The following CASQ1 variants were observed in gnomAD, a reference collection of about 807,000 sequenced individuals.
CASQ1 encodes calsequestrin-1.
CASQ1 carries 40 observed loss-of-function variants against 49.5 expected under a neutral mutation model. That is an observed-to-expected ratio of 0.81 (90% CI 0.63 to 1.05). The LOEUF (loss-of-function observed/expected upper bound fraction) is 1.05, where lower values mean the gene tolerates loss of function less well. CASQ1 is among the 50% of genes least tolerant of loss of function. CASQ1 has a pLI of 0.00. For missense variants in CASQ1, 469 were observed against 486.9 expected (o/e 0.96, Z 0.35); for synonymous variants, 174 against 187.2 (o/e 0.93, Z 0.58).
rs1654053470 is a variant in CASQ1, at chr1:160,190,758, G to A, written c.7G>A (p.Ala3Thr). 1 of 1,613,816 alleles carries A rather than the reference G, an allele frequency of 6.2e-7. No individual in the cohort carries two copies. Among genetic ancestry groups the A allele is most frequent in the African/African-American group, 1.3e-5 (1 of 75,028 alleles). The change falls in exon 1 of 11, where the codon GCT (alanine) becomes ACT (threonine). Residue 3 changes from alanine (A) to threonine (T), a missense_variant. Coordinates refer to ENST00000368078, the MANE Select transcript of CASQ1 (RefSeq NM_001231.5). ...CCCAGATCCCACTACCTCCATGAGTGCTACAGACAGGATGGGGCCCAGAGC... is the reference window on the plus strand; with the variant it reads ...CCCAGATCCCACTACCTCCATGAGTACTACAGACAGGATGGGGCCCAGAGC... MS[A>T]TDRMGPRAVP...
rs754288969 is a variant in CASQ1, at chr1:160,201,358, CGAT to C, written c.1185_1187del (p.Asp396del). The C allele has an allele frequency of 8.1e-6, 13 of 1,613,826 alleles. No individual in the cohort carries two copies. In the South Asian group the frequency reaches 1.2e-4, roughly 15 times the overall value. The stretch of plus-strand genomic sequence containing the variant: ...GCGAGATCAACACAGAGGACGATGA[CGAT>C]GATGATGATGACTAGTTGCTATGGC... On this transcript the variant is annotated inframe_deletion, in exon 11 of 11. Coordinates refer to ENST00000368078, the MANE Select transcript of CASQ1 (RefSeq NM_001231.5).
rs745765837 is a variant in CASQ1, at chr1:160,195,453, C to A, written c.578-8C>A. ...CCCCAGAGACTGACTCTGCATTCCA[C>A]CCCCCAGATTACAAAGCCTTCGAGG... On this transcript the variant is annotated splice_region_variant and splice_polypyrimidine_tract_variant and intron_variant, in intron 4 of 10. Coordinates refer to ENST00000368078, the MANE Select transcript of CASQ1 (RefSeq NM_001231.5). 4 of 1,612,232 alleles carry A rather than the reference C, an allele frequency of 2.5e-6. No homozygotes were observed. The South Asian group carries it at 3.3e-5, about 13-fold the overall frequency.
Position 160,194,994 on chromosome 1 carries a change from A to G in CASQ1, c.466-18A>G, listed in dbSNP as rs371650602. On this transcript the variant is annotated intron_variant, in intron 3 of 10. Transcript: ENST00000368078. Reference sequence around the variant, plus strand: ...TTGAGGATAGAAACTCTCTTCCTGCAATGTCCTCCTCTTTCAGGTCCTAGA... The same window carrying G: ...TTGAGGATAGAAACTCTCTTCCTGCGATGTCCTCCTCTTTCAGGTCCTAGA... 6.8e-5 allele frequency: 101 copies of G among 1,485,716 alleles called. No homozygotes were observed. The highest frequency in any genetic ancestry group is 9.2e-5 in the Non-Finnish European group (99 of 1,080,484). 92.0% of individuals were successfully genotyped at this position (1,485,716 alleles called of 1,614,324 possible). A position where few individuals can be genotyped will look rare whatever the true frequency, so the allele number is the denominator to read the frequency against.
intron 3 of CASQ1, among the ~76,000 whole-genome samples, chr1:160,194,771 T>A (rs1654178355): frequency 6.9e-6 from 1 of 144,818 alleles, no homozygotes; most frequent in South Asian, 2.2e-4. Flanking sequence ...ACACATCATA[T>A]ACATACCACA....
chr1:160,192,841 G>T lies in CASQ1; in HGVS notation c.319G>T (p.Gly107Trp). 1 of 1,613,984 alleles carries T rather than the reference G, an allele frequency of 6.2e-7. No individual in the cohort carries two copies. Among genetic ancestry groups the T allele is most frequent in the Non-Finnish European group, 8.5e-7 (1 of 1,179,952 alleles). Reference protein sequence around the residue: ...QVLEDKGVGFGLVDSEKDAAV... With the variant: ...QVLEDKGVGFWLVDSEKDAAV... ...CCTAGAAGACAAGGGTGTTGGCTTC[G>T]GGCTGGTAGACTCTGAGAAGGATGC... Residue 107 changes from glycine to tryptophan, a missense_variant, in exon 2 of 11, where the codon GGG becomes TGG. Physicochemically the swap from Gly to Trp is radical, Grantham distance 184. Coordinates refer to ENST00000368078, the MANE Select transcript of CASQ1 (RefSeq NM_001231.5).
At chr1:160,201,170 G>A in intron 10 of CASQ1, 75 bp from the exon 11 acceptor site, 1 of 1,462,380 alleles carries the variant, frequency 6.8e-7, no homozygotes, top group Non-Finnish European at 9.4e-7. Context: ...GATGTACAGA[G>A]TCCAGTGAGT....
intron 9 of CASQ1, 108 bp downstream of exon 9, chr1:160,199,161 G>GGAT: frequency 1.3e-6 from 1 of 778,436 alleles, no homozygotes; most frequent in South Asian, 1.5e-5. Flanking sequence ...TCCTAGCTGG[G>GGAT]GGGCCCTGGG....
In CASQ1 at chr1:160,191,023, T is replaced by A; in HGVS notation, c.272T>A (p.Ile91Asn). 6.2e-7 allele frequency: 1 copy of A among 1,613,960 alleles called. No individual in the cohort carries two copies. Among genetic ancestry groups the A allele is most frequent in the Non-Finnish European group, 8.5e-7 (1 of 1,179,920 alleles). Residue 91 changes from isoleucine to asparagine, a missense_variant, in exon 1 of 11, where the codon ATC (isoleucine) becomes AAC (asparagine). Coordinates refer to ENST00000368078, the MANE Select transcript of CASQ1 (RefSeq NM_001231.5). ...SQRQFEMEEL[I>N]LELAAQVLED... Reference sequence around the variant, plus strand: ...AGACAATTTGAGATGGAGGAGCTGATCCTGGAGGTGAGTTGGGGGCACTGC... The same window carrying A: ...AGACAATTTGAGATGGAGGAGCTGAACCTGGAGGTGAGTTGGGGGCACTGC...
intron 7 of CASQ1, 54 bp downstream of exon 7, chr1:160,197,668 C>CTCAAG (rs1258359841): frequency 2.4e-5 from 31 of 1,283,328 alleles, no homozygotes; most frequent in Non-Finnish European, 3.3e-5. Flanking sequence ...TGCCAGAAGA[C>CTCAAG]TCAAGTCCTA....
intron 1 of CASQ1, among the ~76,000 whole-genome samples, chr1:160,191,390 C>T (rs1654072418): frequency 6.6e-6 from 1 of 152,108 alleles, no homozygotes; most frequent in South Asian, 2.1e-4. Context: ...TATTGCACTC[C>T]CCTACCCCAC....
At chr1:160,192,723 C>A in intron 1 of CASQ1, 79 bp from the exon 2 acceptor site, 2 of 1,280,062 alleles carry the variant, frequency 1.6e-6, no homozygotes, top group Non-Finnish European at 1.1e-6. Context: ...TCAACTGACC[C>A]AACTTGAAAG....
chr1:160,190,679 G>T lies in CASQ1; in HGVS notation c.-73G>T, dbSNP rs1654051220. ...CTTGAGCCCCTAACTCAGAATCTGGGACCCAGGGGCCCCTCCCTACCCCAG... is the reference window on the plus strand; with the variant it reads ...CTTGAGCCCCTAACTCAGAATCTGGTACCCAGGGGCCCCTCCCTACCCCAG... On this transcript the variant is annotated 5_prime_UTR_variant, in exon 1 of 11. Transcript: ENST00000368078. 3.0e-5 allele frequency: 44 copies of T among 1,466,638 alleles called. No homozygotes were observed. The South Asian group carries it at 5.6e-4, about 19-fold the overall frequency. The allele number at this position is 1,466,638 out of a possible 1,614,324, so 90.9% of individuals were successfully genotyped here.
intron 7 of CASQ1, among the ~76,000 whole-genome samples, chr1:160,197,849 T>A (rs1654279470): frequency 3.3e-5 from 5 of 151,900 alleles, no homozygotes; most frequent in African/African-American, 1.2e-4. Flanking sequence ...AAACCCCATC[T>A]CTACTGAAAA....
chr1:160,198,528 A>G (rs1050033341), intron 7 of CASQ1, 149 bp from the exon 8 acceptor site: 21 of 615,336 alleles, frequency 3.4e-5, no homozygotes, highest in Non-Finnish European at 1.4e-5. Flanking sequence ...ACAAACCCCA[A>G]AAAACGAAAG....
chr1:160,201,076 T>G (rs955795323), intron 10 of CASQ1, among the ~76,000 whole-genome samples, 169 bp from the exon 11 acceptor site: 1 of 4,158 alleles, frequency 2.4e-4, no homozygotes, highest in Non-Finnish European at 0.011. Flanking sequence ...CCTGTCACTA[T>G]TCTAACCCAT....
chr1:160,197,903 C>T (rs1439021906), intron 7 of CASQ1, among the ~76,000 whole-genome samples: 1 of 152,104 alleles, frequency 6.6e-6, no homozygotes, highest in Non-Finnish European at 1.5e-5. Context: ...CCTGTAGTCC[C>T]AGCTACTTGG....
chr1:160,198,690 A>T lies in CASQ1; in HGVS notation c.842A>T (p.Asp281Val). 6.2e-7 allele frequency: 1 copy of T among 1,613,742 alleles called. No individual in the cohort carries two copies. The highest frequency in any genetic ancestry group is 8.5e-7 in the Non-Finnish European group (1 of 1,179,650). Residue 281 changes from aspartate to valine, a missense_variant, in exon 8 of 11, where the codon GAT (aspartate) becomes GTT (valine). Coordinates refer to ENST00000368078, the MANE Select transcript of CASQ1 (RefSeq NM_001231.5). ...ACCCCCTGACAGGAGGATGATATGG[A>T]TGGAATCCACATTGTGGCCTTCGCA... is the stretch of plus-strand genomic sequence containing the variant. ...SMYETWEDDM[D>V]GIHIVAFAEE...
At chr1:160,194,455 C>A (rs1654160621) in intron 3 of CASQ1, among the ~76,000 whole-genome samples, 1 of 12,818 alleles carries the variant, frequency 7.8e-5, no homozygotes, top group African/African-American at 9.0e-5. Context: ...ACACACCACA[C>A]ACACCCATCC....
chr1:160,196,246 A>C (rs972538253), intron 6 of CASQ1, among the ~76,000 whole-genome samples: 12 of 152,154 alleles, frequency 7.9e-5, no homozygotes, highest in Non-Finnish European at 1.6e-4. Context: ...AGGGTCCTTC[A>C]TAAGTGTGTA....
Sources: gnomAD v4.1 joint callset for allele counts (sites outside exome capture counted in the v4.1 genomes callset) on GRCh38, gnomAD v4.1.1 for gene constraint, MANE v1.5 for transcripts, NCBI Gene and HGNC (gene_info 2026-07-23, HGNC 2026-07-21) for gene names.